Variants in CALU observed in about 807,000 individuals in gnomAD.
The protein encoded by CALU is IEF SSP 9302.
CALU carries 13 observed loss-of-function variants against 37.5 expected under a neutral mutation model. The observed-to-expected ratio is 0.35, with a 90% CI of 0.23 to 0.55. The LOEUF is 0.55. Among genes scored for constraint, CALU ranks in the 20% least tolerant of loss-of-function variants. The probability of loss-of-function intolerance (pLI) is 0.89; values close to 1 mark genes in which losing one functional copy is unlikely to be tolerated. For missense variants in CALU, 282 were observed against 391.7 expected (o/e 0.72, Z 2.36); for synonymous variants, 114 against 133.8 (o/e 0.85, Z 1.02).
chr7:128,767,796 T>G (rs1801393953), intron 6 of CALU, 141 bp downstream of exon 6: 2 of 692,762 alleles, frequency 2.9e-6, no homozygotes, highest in Non-Finnish European at 5.0e-6. Context: ...ATCTGGCGAT[T>G]AAAACCTTTC....
chr7:128,750,144 C>T lies in CALU; in HGVS notation c.221+1340C>T, dbSNP rs1030981836. On this transcript the variant is annotated intron_variant, in intron 2 of 6. Coordinates refer to ENST00000249364, the MANE Select transcript of CALU (RefSeq NM_001219.5). ...TTGGGAGGCTGAGGCAGGAGAATGG[C>T]GTGAACCCGGGAGGTGGAGCTTGTA... Among the ~76,000 whole-genome samples the T allele has an allele frequency of 2.7e-5, 4 of 147,866 alleles. 1 individual carries two copies. The highest frequency in any genetic ancestry group is 5.0e-5 in the African/African-American group (2 of 39,898).
At chr7:128,767,682 T>C in intron 6 of CALU, 27 bp downstream of exon 6, 7 of 1,574,182 alleles carry the variant, frequency 4.4e-6, no homozygotes, top group Non-Finnish European at 6.1e-6. Flanking sequence ...CCACACGCTC[T>C]ATCCTTGATT....
At chr7:128,739,453 C>A (rs1479678513) in intron 1 of CALU, 21 bp downstream of exon 1, 2 of 152,612 alleles carry the variant, frequency 1.3e-5, no homozygotes, top group Non-Finnish European at 2.9e-5. Flanking sequence ...TGATGCCCAG[C>A]CCCTTCACCA....
chr7:128,751,074 G>C (rs1209666830), intron 2 of CALU, among the ~76,000 whole-genome samples: 1 of 151,886 alleles, frequency 6.6e-6, no homozygotes, highest in African/African-American at 2.4e-5. Context: ...CAGTTTATGA[G>C]GTCAAGAGAT....
chr7:128,767,772 A>T, intron 6 of CALU, 117 bp downstream of exon 6: 1 of 795,284 alleles, frequency 1.3e-6, no homozygotes, highest in Non-Finnish European at 2.1e-6. Context: ...AGTCTAAGTC[A>T]GCCAAGTATC....
intron 3 of CALU, among the ~76,000 whole-genome samples, chr7:128,758,305 G>T (rs1800971118): frequency 6.6e-6 from 1 of 152,094 alleles, no homozygotes; most frequent in Non-Finnish European, 1.5e-5. Flanking sequence ...TGAGGTAGAA[G>T]GCCTTTGATT....
chr7:128,770,006 G>A lies in CALU; in HGVS notation c.*839G>A, dbSNP rs2128884313. 6.6e-6 allele frequency: 1 copy of A among 152,564 alleles called. No homozygotes were observed. Among genetic ancestry groups the A allele is most frequent in the South Asian group, 2.1e-4 (1 of 4,822 alleles). 9.5% of individuals were successfully genotyped at this position (152,564 alleles called of 1,614,324 possible). A position where few individuals can be genotyped will look rare whatever the true frequency, so the allele number is the denominator to read the frequency against. ...TTTCTGGGTGTGCATCTGTTGAAATGCTCAAGACTTAATTATTTGCCTTTT... is the reference window on the plus strand; with the variant it reads ...TTTCTGGGTGTGCATCTGTTGAAATACTCAAGACTTAATTATTTGCCTTTT... On this transcript the variant is annotated 3_prime_UTR_variant, in exon 7 of 7. Coordinates refer to ENST00000249364, the MANE Select transcript of CALU (RefSeq NM_001219.5).
intron 1 of CALU, among the ~76,000 whole-genome samples, chr7:128,741,794 A>G (rs1800252271): frequency 6.6e-6 from 1 of 152,190 alleles, no homozygotes; most frequent in African/African-American, 2.4e-5. Flanking sequence ...CTCACAATTG[A>G]TTATGTATTA....
At chr7:128,766,425 CTTTTTTT>C (rs11288081) in intron 5 of CALU, among the ~76,000 whole-genome samples, 6 of 94,974 alleles carry the variant, frequency 6.3e-5, no homozygotes, top group Non-Finnish European at 5.9e-5. Context: ...ATTTCTTTTT[CTTTTTTT>C]TTTTTTTTTT....
intron 1 of CALU, among the ~76,000 whole-genome samples, chr7:128,740,031 C>G (rs1800171608): frequency 6.6e-6 from 1 of 152,240 alleles, no homozygotes; most frequent in Non-Finnish European, 1.5e-5. Context: ...TGGCTACGTA[C>G]TTCAGTTAGC....
intron 3 of CALU, among the ~76,000 whole-genome samples, chr7:128,755,254 G>A (rs1261871048): frequency 7.0e-6 from 1 of 142,284 alleles, no homozygotes; most frequent in East Asian, 2.1e-4. Flanking sequence ...TGAGGCAGCT[G>A]CGAGCCATGA....
chr7:128,744,029 A>AAC, intron 1 of CALU, among the ~76,000 whole-genome samples: 1 of 152,238 alleles, frequency 6.6e-6, no homozygotes, highest in East Asian at 1.9e-4. Flanking sequence ...AACATGGTGA[A>AAC]ACCCTGTATC....
chr7:128,748,772 G>A lies in CALU; in HGVS notation c.189G>A (p.Gln63=), dbSNP rs754480898. ...CTGAAGAAGCAAAGACCTTTGATCA[G>A]CTGACACCAGAAGAGAGCAAGGAAA... is the stretch of plus-strand genomic sequence containing the variant. ...LGAEEAKTFD[Q]LTPEESKERL... The change falls in exon 2 of 7, where the codon CAG becomes CAA. Residue 63 remains glutamine, a synonymous_variant. Coordinates refer to ENST00000249364, the MANE Select transcript of CALU (RefSeq NM_001219.5). 4.0e-5 allele frequency: 64 copies of A among 1,614,002 alleles called. No homozygotes were observed. Among genetic ancestry groups the A allele is most frequent in the Non-Finnish European group, 5.4e-5 (64 of 1,179,990 alleles).
intron 1 of CALU, among the ~76,000 whole-genome samples, chr7:128,742,202 CAGAT>C (rs763043627): frequency 1.4e-4 from 22 of 152,182 alleles, no homozygotes; most frequent in Admixed American, 2.0e-4. Context: ...TAAAGAATGT[CAGAT>C]AGATAACAAG....
intron 2 of CALU, among the ~76,000 whole-genome samples, chr7:128,749,834 T>C (rs760821554): frequency 1.3e-5 from 2 of 152,228 alleles, no homozygotes; most frequent in Non-Finnish European, 2.9e-5. Context: ...TAGATAGATA[T>C]GCATCACAGA....
chr7:128,759,952 C>A, intron 5 of CALU, 100 bp downstream of exon 5: 1 of 721,430 alleles, frequency 1.4e-6, no homozygotes, highest in Non-Finnish European at 2.4e-6. Flanking sequence ...AATCCCAACA[C>A]TGGGAGGCCG....
intron 5 of CALU, among the ~76,000 whole-genome samples, chr7:128,761,091 T>C (rs954876003): frequency 6.6e-6 from 1 of 152,222 alleles, no homozygotes; most frequent in Non-Finnish European, 1.5e-5. Context: ...CTGACTACTT[T>C]CCTTTTGTTT....
At chr7:128,761,159 A>G (rs1304481668) in intron 5 of CALU, among the ~76,000 whole-genome samples, 5 of 151,984 alleles carry the variant, frequency 3.3e-5, no homozygotes, top group Non-Finnish European at 7.4e-5. Flanking sequence ...TTTTAAAAAA[A>G]TTGTTTTGGA....
At chr7:128,754,960 T>G (rs1002603478) in intron 3 of CALU, among the ~76,000 whole-genome samples, 1 of 152,064 alleles carries the variant, frequency 6.6e-6, no homozygotes, top group African/African-American at 2.4e-5. Context: ...TATTTTACCA[T>G]TTTTTCTTTA....
Sources: allele counts gnomAD v4.1 joint callset (sites outside exome capture counted in the v4.1 genomes callset), GRCh38; gene constraint gnomAD v4.1.1; transcripts MANE v1.5; gene names NCBI Gene and HGNC (gene_info 2026-07-23, HGNC 2026-07-21).